The following CARS2 variants were observed in gnomAD, a reference collection of about 807,000 sequenced individuals.
The protein encoded by CARS2 is probable cysteine--tRNA ligase, mitochondrial.
Under a neutral mutation model 68.8 loss-of-function variants are expected in CARS2, and 52 were observed. The observed-to-expected ratio is 0.76, with a 90% CI of 0.61 to 0.95. The LOEUF (loss-of-function observed/expected upper bound fraction) is 0.95. Ranked by LOEUF, CARS2 falls within the 40% of genes least tolerant of loss-of-function variation. The pLI is 0.00. For missense variants in CARS2, 780 were observed against 754.2 expected (o/e 1.03, Z -0.40); for synonymous variants, 314 against 303.6 (o/e 1.03, Z -0.36).
At position 110,706,067 on chromosome 13, in the gene CARS2, G is replaced by A. The variant is rs1270397975; in HGVS notation, c.27C>T (p.Gly9=). 7 of 1,348,934 alleles carry A rather than the reference G, an allele frequency of 5.2e-6. No homozygotes were observed. Among genetic ancestry groups the A allele is most frequent in the Middle Eastern group, 2.1e-4 (1 of 4,784 alleles). 83.6% of individuals were successfully genotyped at this position (1,348,934 alleles called of 1,614,324 possible). Reference sequence around the variant, plus strand: ...CGGCCTGGAGCAGCGGGGGGCCCAGGCCTGGGCCGCGCGTAGTCCTCAACA... The same window carrying A: ...CGGCCTGGAGCAGCGGGGGGCCCAGACCTGGGCCGCGCGTAGTCCTCAACA... The part of the protein sequence containing the change: MLRTTRGP[G]LGPPLLQAAL... Residue 9 remains glycine (G), a synonymous_variant, in exon 1 of 15, where the codon GGC becomes GGT. Coordinates refer to ENST00000257347, the MANE Select transcript of CARS2 (RefSeq NM_024537.4).
chr13:110,662,859 T>C, intron 9 of CARS2: 1 of 375,546 alleles, frequency 2.7e-6, no homozygotes, highest in Admixed American at 3.2e-5. Context: ...TTCTTCTCCA[T>C]TTATTTTGCA....
At chr13:110,712,832 G>A (rs2064048068) in intron 1 of CARS2, 1 of 965,764 alleles carries the variant, frequency 1.0e-6, no homozygotes, top group Non-Finnish European at 1.6e-6. Flanking sequence ...CTCGGCACTA[G>A]GAAGCAGCTT....
chr13:110,695,853 G>A (rs1337636425), intron 3 of CARS2, among the ~76,000 whole-genome samples: 2 of 150,430 alleles, frequency 1.3e-5, no homozygotes, highest in Non-Finnish European at 2.9e-5. Flanking sequence ...AGGTATACAC[G>A]TGCCATGGTG....
At chr13:110,713,252 G>A (rs1179188324) in exon 1 of CARS2, 27 of 1,348,084 alleles carry the variant, frequency 2.0e-5, no homozygotes, top group Admixed American at 3.3e-5. Context: ...TCTGTGGGGC[G>A]GGGACGAAGA....
At chr13:110,642,555 A>C (rs762393974) in intron 13 of CARS2, 34 bp from the exon 14 acceptor site, 1 of 1,583,688 alleles carries the variant, frequency 6.3e-7, no homozygotes, top group Non-Finnish European at 8.6e-7. Flanking sequence ...CGTCCCCCGG[A>C]GACTGTGGAT....
chr13:110,702,518 T>C (rs896706289), intron 2 of CARS2, among the ~76,000 whole-genome samples: 1 of 152,168 alleles, frequency 6.6e-6, no homozygotes, highest in Non-Finnish European at 1.5e-5. Flanking sequence ...TCACCTCAAG[T>C]TGGGAAAGAG....
chr13:110,692,696 T>A (rs755570248), intron 3 of CARS2, among the ~76,000 whole-genome samples: 1 of 151,892 alleles, frequency 6.6e-6, no homozygotes, highest in Non-Finnish European at 1.5e-5. Flanking sequence ...ATACCTGTAG[T>A]CCCAACTACT....
chr13:110,662,487 C>T (rs369475152), intron 9 of CARS2, among the ~76,000 whole-genome samples: 5 of 152,396 alleles, frequency 3.3e-5, no homozygotes, highest in African/African-American at 9.6e-5. Flanking sequence ...CCACGTGTGC[C>T]GTGCACGCTC....
At chr13:110,646,125 G>C (rs1888082725) in intron 11 of CARS2, 35 bp from the exon 12 acceptor site, 1 of 1,599,918 alleles carries the variant, frequency 6.3e-7, no homozygotes, top group East Asian at 2.3e-5. Context: ...ACAGCAGAGG[G>C]AGCTCCACTC....
At chr13:110,642,270 AC>A in intron 14 of CARS2, 44 bp downstream of exon 14, 1 of 1,475,566 alleles carries the variant, frequency 6.8e-7, no homozygotes, top group Non-Finnish European at 9.2e-7. Flanking sequence ...CTGTTGACCT[AC>A]CCGGCTCCTG....
At chr13:110,643,399 A>C (rs1407685714) in intron 13 of CARS2, 1 of 154,560 alleles carries the variant, frequency 6.5e-6, no homozygotes, top group African/African-American at 2.4e-5. Context: ...TGGAAAGGGG[A>C]ACTAAGTCTA....
chr13:110,713,009 T>A, intron 1 of CARS2: 1 of 1,532,192 alleles, frequency 6.5e-7, no homozygotes, highest in Non-Finnish European at 8.8e-7. Flanking sequence ...CGGCCGCAGC[T>A]CAAAGGACAC....
At chr13:110,657,773 C>A (rs2062406918) in intron 9 of CARS2, among the ~76,000 whole-genome samples, 1 of 152,170 alleles carries the variant, frequency 6.6e-6, no homozygotes, top group Non-Finnish European at 1.5e-5. Context: ...CAGCATGCCA[C>A]CTCTCAGATG....
intron 3 of CARS2, among the ~76,000 whole-genome samples, chr13:110,700,597 A>C (rs1379440013): frequency 6.6e-6 from 1 of 152,210 alleles, no homozygotes; most frequent in East Asian, 1.9e-4. Flanking sequence ...AAATCGCTTC[A>C]AATAATTTTT....
chr13:110,701,172 T>C (rs2063774009), intron 3 of CARS2, among the ~76,000 whole-genome samples: 1 of 152,154 alleles, frequency 6.6e-6, no homozygotes, highest in Non-Finnish European at 1.5e-5. Context: ...CAAGCGATTC[T>C]CCTGCCTGAG....
intron 14 of CARS2, 26 bp downstream of exon 14, chr13:110,642,289 G>A: frequency 1.3e-6 from 2 of 1,534,198 alleles, no homozygotes; most frequent in Non-Finnish European, 1.8e-6. Context: ...CTGGGGTGAT[G>A]TCCCTGACCT....
Position 110,647,154 on chromosome 13 carries a change from G to A in CARS2, c.1140C>T (p.Tyr380=), listed in dbSNP as rs772918047. Residue 380 remains tyrosine (Y), a synonymous_variant, in exon 11 of 15, where the codon TAC becomes TAT. Transcript: ENST00000257347. ...LGSFLEDARA[Y]MKGQLACGSV... ...AGCCGCAGGCCAGCTGCCCCTTCAT[G>A]TAGGCACGTGCGTCCTCCAGGAAAG... The A allele has an allele frequency of 3.1e-6, 5 of 1,611,062 alleles. No individual in the cohort carries two copies. In the African/African-American group the frequency reaches 6.7e-5, roughly 22 times the overall value.
chr13:110,649,660 C>G (rs2062147367), intron 10 of CARS2, among the ~76,000 whole-genome samples: 1 of 152,142 alleles, frequency 6.6e-6, no homozygotes, highest in Admixed American at 6.5e-5. Context: ...GTAGGAGGGA[C>G]AAGAAGGGGG....
intron 6 of CARS2, among the ~76,000 whole-genome samples, chr13:110,681,846 C>A (rs1337187497): frequency 6.6e-6 from 1 of 152,066 alleles, no homozygotes; most frequent in African/African-American, 2.4e-5. Context: ...TGTATGACTC[C>A]AACTATATGA....
Sources: gnomAD v4.1 joint callset for allele counts (sites outside exome capture counted in the v4.1 genomes callset) on GRCh38, gnomAD v4.1.1 for gene constraint, MANE v1.5 for transcripts, NCBI Gene and HGNC (gene_info 2026-07-23, HGNC 2026-07-21) for gene names.